Variants in ADGRG4 observed in about 807,000 individuals in gnomAD.
The protein encoded by ADGRG4 is adhesion G protein-coupled receptor G4, also known as G protein-coupled receptor 112.
ADGRG4 carries 122 observed loss-of-function variants against 126.2 expected under a neutral mutation model. That is an observed-to-expected ratio of 0.97 (90% CI 0.83 to 1.12). The LOEUF is 1.12. ADGRG4 is among the 50% of genes most tolerant of loss of function. The pLI is 0.00. For synonymous variants in ADGRG4, 943 were observed against 838.7 expected (o/e 1.12, Z -2.15); for missense variants, 2,481 against 2,251.8 (o/e 1.10, Z -2.06).
intron 5 of ADGRG4, among the ~76,000 whole-genome samples, chrX:136,331,384 A>C (rs1301342181): frequency 8.9e-6 from 1 of 112,557 alleles, no homozygotes; most frequent in African/African-American, 3.2e-5. Context: ...GCTGGATCAT[A>C]TGGTAGCTCT....
intron 4 of ADGRG4, among the ~76,000 whole-genome samples, chrX:136,311,832 GC>G (rs1431915320): frequency 9.0e-6 from 1 of 110,802 alleles, no homozygotes; most frequent in East Asian, 2.8e-4. Context: ...TTCAGGAAAA[GC>G]CCTATCTTTT....
At chrX:136,333,623 T>A (rs1254282592) in intron 5 of ADGRG4, among the ~76,000 whole-genome samples, 1 of 111,640 alleles carries the variant, frequency 9.0e-6, no homozygotes, top group Non-Finnish European at 1.9e-5. Context: ...ATTCAAGTGA[T>A]TCATGTGCCT....
chrX:136,344,707 A>G lies in ADGRG4; in HGVS notation c.1001A>G (p.Asp334Gly). The stretch of plus-strand genomic sequence containing the variant: ...CTGCCTACCCAGAGTATATCCATAG[A>G]CAATACTACCAATTCCATGAAAAAA... The part of the protein sequence containing the change: ...ISLPTQSISI[D>G]NTTNSMKKTK... The change falls in exon 6 of 26, where the codon GAC (aspartate) becomes GGC (glycine). Residue 334 changes from aspartate (D) to glycine (G), a missense_variant. Transcript: ENST00000394143. The G allele has an allele frequency of 1.7e-6, 2 of 1,205,600 alleles. No homozygotes were observed. The highest frequency in any genetic ancestry group is 2.2e-6 in the Non-Finnish European group (2 of 890,112).
In ADGRG4 at chrX:136,326,141, C is replaced by T. The variant is rs998151203; in HGVS notation, c.685+2749C>T. On this transcript the variant is annotated intron_variant, in intron 5 of 25. Coordinates refer to ENST00000394143, the MANE Select transcript of ADGRG4 (RefSeq NM_153834.4). ...CAAACAAAAAAAGGTAGTAAATGTT[C>T]TCTCTACTATTCAGATCTCTTCAAG... Among the ~76,000 whole-genome samples the T allele has an allele frequency of 3.6e-5, 4 of 112,574 alleles. No individual in the cohort carries two copies. In the East Asian group the frequency reaches 1.1e-3, roughly 31 times the overall value.
intron 15 of ADGRG4, among the ~76,000 whole-genome samples, chrX:136,382,262 A>G (rs2148487575): frequency 8.9e-6 from 1 of 112,239 alleles, no homozygotes; most frequent in East Asian, 2.8e-4. Context: ...AAATACTATT[A>G]CATAAAATTA....
chrX:136,379,876 G>T (rs1346752989), intron 15 of ADGRG4, among the ~76,000 whole-genome samples: 2 of 111,135 alleles, frequency 1.8e-5, no homozygotes, highest in Admixed American at 9.6e-5. Context: ...TACCATATTT[G>T]TCCTTTGTGA....
chrX:136,356,809 G>A (rs1036250449), intron 9 of ADGRG4, among the ~76,000 whole-genome samples: 1 of 111,840 alleles, frequency 8.9e-6, no homozygotes, highest in African/African-American at 3.2e-5. Context: ...ACCAGTCTGA[G>A]CAACATGGGG....
rs1027787356 is a variant in ADGRG4 at position 136,357,662 on chromosome X, G to C, written c.6928-42G>C. 11 of 956,159 alleles carry C rather than the reference G, an allele frequency of 1.2e-5. No individual in the cohort carries two copies. The South Asian group carries it at 2.3e-4, about 20-fold the overall frequency. 78.8% of individuals were successfully genotyped at this position (956,159 alleles called of 1,213,427 possible). A position where few individuals can be genotyped will look rare whatever the true frequency, so the allele number is the denominator to read the frequency against. ...AGCCCTGTACTCAGTTATGACATTTGTTTAAAGATTTCAGTGACTATGTAC... is the reference window on the plus strand; with the variant it reads ...AGCCCTGTACTCAGTTATGACATTTCTTTAAAGATTTCAGTGACTATGTAC... On this transcript the variant is annotated intron_variant, in intron 9 of 25. Coordinates refer to ENST00000394143, the MANE Select transcript of ADGRG4 (RefSeq NM_153834.4).
chrX:136,390,450 G>A (rs748320828), intron 16 of ADGRG4, among the ~76,000 whole-genome samples: 1 of 111,510 alleles, frequency 9.0e-6, no homozygotes, highest in South Asian at 3.8e-4. Flanking sequence ...CAGGCACTAG[G>A]CGGTTACAAT....
At chrX:136,341,614 A>T (rs2074979571) in intron 5 of ADGRG4, among the ~76,000 whole-genome samples, 1 of 112,467 alleles carries the variant, frequency 8.9e-6, no homozygotes, top group Non-Finnish European at 1.9e-5. Flanking sequence ...CAGTTTCTTG[A>T]TAAGGCCTAA....
intron 25 of ADGRG4, among the ~76,000 whole-genome samples, chrX:136,415,500 C>T (rs2075470882): frequency 9.0e-6 from 1 of 111,485 alleles, no homozygotes; most frequent in Non-Finnish European, 1.9e-5. Flanking sequence ...CCAGTTTGGG[C>T]TGGTTGACTA....
At chrX:136,309,395 A>G (rs2074754007) in intron 4 of ADGRG4, among the ~76,000 whole-genome samples, 1 of 112,436 alleles carries the variant, frequency 8.9e-6, no homozygotes, top group Non-Finnish European at 1.9e-5. Context: ...TCTATTTTAC[A>G]GTAGATAATT....
chrX:136,342,832 A>T (rs1262130822), intron 5 of ADGRG4, among the ~76,000 whole-genome samples: 1 of 108,123 alleles, frequency 9.2e-6, no homozygotes, highest in African/African-American at 3.4e-5. Flanking sequence ...TTAAGAAAAA[A>T]TTTTCTTTTT....
chrX:136,334,113 T>A (rs1408231280), intron 5 of ADGRG4, among the ~76,000 whole-genome samples: 2 of 100,099 alleles, frequency 2.0e-5, no homozygotes, highest in African/African-American at 7.4e-5. Context: ...TCTTTCTTTC[T>A]TTCTTTCTTT....
At chrX:136,338,251 G>A (rs771200006) in intron 5 of ADGRG4, among the ~76,000 whole-genome samples, 2 of 108,214 alleles carry the variant, frequency 1.8e-5, no homozygotes, top group South Asian at 4.2e-4. Context: ...TCCGTCTCCC[G>A]GGTTCAAGGG....
intron 19 of ADGRG4, among the ~76,000 whole-genome samples, chrX:136,396,849 T>C (rs1368619895): frequency 4.7e-5 from 5 of 106,705 alleles, no homozygotes; most frequent in African/African-American, 1.7e-4. Flanking sequence ...AGTGCAGTGG[T>C]GCAATCTCGG....
In ADGRG4 at chrX:136,348,306, A is replaced by G. The variant is rs892527971; in HGVS notation, c.4600A>G (p.Ile1534Val). The G allele has an allele frequency of 4.1e-6, 5 of 1,207,043 alleles. No individual in the cohort carries two copies. The highest frequency in any genetic ancestry group is 3.0e-5 in the East Asian group (1 of 33,724). Residue 1534 changes from isoleucine to valine, a missense_variant, in exon 6 of 26, where the codon ATA (isoleucine) becomes GTA (valine). Transcript: ENST00000394143. ...TSKKVSDTPP[I>V]VITKSSKTMH... ...CAAAAAAGTTTCTGACACTCCCCCA[A>G]TAGTGATAACTAAATCTTCTAAAAC...
At chrX:136,336,039 C>T (rs936080625) in intron 5 of ADGRG4, among the ~76,000 whole-genome samples, 7 of 109,576 alleles carry the variant, frequency 6.4e-5, no homozygotes, top group African/African-American at 9.9e-5. Flanking sequence ...GTTGTATCTC[C>T]CAAATTTTTA....
chrX:136,365,266 C>T (rs1000337815), intron 13 of ADGRG4, among the ~76,000 whole-genome samples: 1 of 111,269 alleles, frequency 9.0e-6, no homozygotes, highest in Admixed American at 9.6e-5. Flanking sequence ...AACCCTGTAC[C>T]CATTAGCAGT....
Sources: gnomAD v4.1 joint callset for allele counts (sites outside exome capture counted in the v4.1 genomes callset) on GRCh38, gnomAD v4.1.1 for gene constraint, MANE v1.5 for transcripts, NCBI Gene and HGNC (gene_info 2026-07-23, HGNC 2026-07-21) for gene names.